The following IL5RA variants were observed in gnomAD, a reference collection of about 807,000 sequenced individuals.
IL5RA encodes interleukin 5 receptor subunit alpha.
In IL5RA, 49 loss-of-function variants were observed where a neutral mutation model predicts 50.0. The ratio of observed to expected loss-of-function variants is 0.98; its 90% CI spans 0.78 to 1.24. IL5RA has a LOEUF of 1.24. Ranked by LOEUF, IL5RA falls within the 50% of genes most tolerant of loss-of-function variation. IL5RA has a pLI of 0.00. For synonymous variants in IL5RA, 202 were observed against 174.0 expected (o/e 1.16, Z -1.26); for missense variants, 600 against 500.4 (o/e 1.20, Z -1.90).
At position 3,098,047 on chromosome 3, in the gene IL5RA, A is replaced by G. The variant is rs1441406543; in HGVS notation, c.532T>C (p.Trp178Arg). Residue 178 changes from tryptophan to arginine, a missense_variant, in exon 7 of 12, where the codon TGG (tryptophan) becomes CGG (arginine). By Grantham distance (101) the Trp-to-Arg change is moderately radical (BLOSUM62 -3). Transcript: ENST00000446632. ...QYFLYYRYGS[W>R]TEECQEYSKD... ...CTGTATTCTTGGCATTCTTCAGTCC[A>G]AGAGCCATACCTAAATTGGAACATT... The G allele has an allele frequency of 1.2e-6, 2 of 1,614,098 alleles. No homozygotes were observed. The highest frequency in any genetic ancestry group is 2.7e-5 in the African/African-American group (2 of 74,942).
intron 5 of IL5RA, among the ~76,000 whole-genome samples, chr3:3,098,519 T>A (rs1400909116): frequency 6.6e-6 from 1 of 152,088 alleles, no homozygotes; most frequent in Non-Finnish European, 1.5e-5. Context: ...GCGATTCTCG[T>A]GCCTCAGCCT....
At chr3:3,094,982 C>T (rs1003110453) in intron 8 of IL5RA, among the ~76,000 whole-genome samples, 1 of 152,172 alleles carries the variant, frequency 6.6e-6, no homozygotes, top group Admixed American at 6.5e-5. Flanking sequence ...CCACATTGGC[C>T]TCCCAAAGTG....
Position 3,068,587 on chromosome 3 carries a change from C to CAAAAAAAAAAAA in IL5RA, c.*1626_*1637dup, listed in dbSNP as rs760670295. 33 of 35,590 alleles carry CAAAAAAAAAAAA rather than the reference C, an allele frequency of 9.3e-4. No individual in the cohort carries two copies. Among genetic ancestry groups the CAAAAAAAAAAAA allele is most frequent in the African/African-American group, 2.7e-3 (31 of 11,338 alleles). 2.2% of individuals were successfully genotyped at this position (35,590 alleles called of 1,614,324 possible). A position where few individuals can be genotyped will look rare whatever the true frequency, so the allele number is the denominator to read the frequency against. Reference sequence around the variant, plus strand: ...AAGACTGTCTCCACCACCCACCCCACAAAAAAAAAAAAAAAAAAAAACAAA... The same window carrying CAAAAAAAAAAAA: ...AAGACTGTCTCCACCACCCACCCCACAAAAAAAAAAAAAAAAAAAAAAAAAAAAAAAAACAAA... On this transcript the variant is annotated 3_prime_UTR_variant, in exon 12 of 12. Coordinates refer to ENST00000446632, the MANE Select transcript of IL5RA (RefSeq NM_175726.4).
At chr3:3,074,725 T>C in intron 11 of IL5RA, 57 bp downstream of exon 11, 1 of 990,846 alleles carries the variant, frequency 1.0e-6, no homozygotes, top group Non-Finnish European at 1.6e-6. Flanking sequence ...GAATGACAGC[T>C]CCCAGGGGAC....
rs115192176 is a variant in IL5RA at position 3,093,316 on chromosome 3, G to A, written c.856-954C>T. 3.0e-3 allele frequency among the ~76,000 whole-genome samples: 450 copies of A among 152,274 alleles called. 3 individuals are homozygous for A. Among genetic ancestry groups the A allele is most frequent in the African/African-American group, 0.01 (416 of 41,550 alleles). On this transcript the variant is annotated intron_variant, in intron 8 of 11. Coordinates refer to ENST00000446632, the MANE Select transcript of IL5RA (RefSeq NM_175726.4). Reference sequence around the variant, plus strand: ...AAGTTACTCCTTTTCCTAGGCTGGTGCAAGTCAGGAACTATTTATTACTGG... The same window carrying A: ...AAGTTACTCCTTTTCCTAGGCTGGTACAAGTCAGGAACTATTTATTACTGG...
Position 3,092,509 on chromosome 3 carries a change from T to C in IL5RA, c.856-147A>G. 4.0e-6 allele frequency: 3 copies of C among 745,068 alleles called. No homozygotes were observed. Among genetic ancestry groups the C allele is most frequent in the Admixed American group, 2.4e-5 (1 of 41,960 alleles). 46.2% of individuals were successfully genotyped at this position (745,068 alleles called of 1,614,324 possible). A position where few individuals can be genotyped will look rare whatever the true frequency, so the allele number is the denominator to read the frequency against. On this transcript the variant is annotated intron_variant, in intron 8 of 11. Transcript: ENST00000446632. The surrounding 1 kb of genome is among the most constrained non-coding windows in gnomAD (Gnocchi z 4.2). ...AACAGGGCACACATTAATTCGTTTATGCTAGGTGCGTTAGTGTGGATGTGT... is the reference window on the plus strand; with the variant it reads ...AACAGGGCACACATTAATTCGTTTACGCTAGGTGCGTTAGTGTGGATGTGT...
chr3:3,077,164 A>G (rs1305713017), intron 9 of IL5RA, among the ~76,000 whole-genome samples: 1 of 152,192 alleles, frequency 6.6e-6, no homozygotes, highest in African/African-American at 2.4e-5. Context: ...ACCCCTTACC[A>G]TTATTCCCAT....
rs1427128578 is a variant in IL5RA at position 3,067,644 on chromosome 3, A to T, written c.*2581T>A. On this transcript the variant is annotated 3_prime_UTR_variant, in exon 12 of 12. Coordinates refer to ENST00000446632, the MANE Select transcript of IL5RA (RefSeq NM_175726.4). ...AAGTGATGATGGTTACGGGTTCCCA[A>T]AGAATGACTATGAGTTGCACAGGGC... The T allele has an allele frequency of 6.6e-6, 1 of 152,274 alleles. No individual in the cohort carries two copies. The highest frequency in any genetic ancestry group is 1.5e-5 in the Non-Finnish European group (1 of 68,084). 9.4% of individuals were successfully genotyped at this position (152,274 alleles called of 1,614,324 possible). A position where few individuals can be genotyped will look rare whatever the true frequency, so the allele number is the denominator to read the frequency against.
intron 9 of IL5RA, among the ~76,000 whole-genome samples, chr3:3,087,907 T>C (rs1323652138): frequency 6.6e-6 from 1 of 152,070 alleles, no homozygotes; most frequent in Non-Finnish European, 1.5e-5. Context: ...TTGATGAAAA[T>C]GGAAAGTCTA....
intron 9 of IL5RA, among the ~76,000 whole-genome samples, chr3:3,077,505 C>T (rs371013607): frequency 3.3e-4 from 51 of 152,282 alleles, no homozygotes; most frequent in African/African-American, 9.9e-4. Flanking sequence ...CAGTGGCTCA[C>T]GCCTGTAAAT....
chr3:3,078,562 G>A (rs564989487), intron 9 of IL5RA, among the ~76,000 whole-genome samples: 25 of 152,266 alleles, frequency 1.6e-4, no homozygotes, highest in East Asian at 3.9e-4. Context: ...GGCTAGGTGC[G>A]GTGGCTCACG....
At position 3,087,677 on chromosome 3, in the gene IL5RA, T is replaced by TTGAG. The variant is rs2125966546; in HGVS notation, c.994+4543_994+4546dup. Among the ~76,000 whole-genome samples the TTGAG allele has an allele frequency of 2.0e-5, 3 of 151,506 alleles. No individual in the cohort carries two copies. The South Asian group carries it at 6.3e-4, about 32-fold the overall frequency. ...AACTATGAAAGGGTTGATATTTGAG[T>TTGAG]TGAGTCTTGGAGTAAAATGGAGTGG... On this transcript the variant is annotated intron_variant, in intron 9 of 11. Coordinates refer to ENST00000446632, the MANE Select transcript of IL5RA (RefSeq NM_175726.4).
chr3:3,088,425 A>T (rs1437821304), intron 9 of IL5RA, among the ~76,000 whole-genome samples: 1 of 152,198 alleles, frequency 6.6e-6, no homozygotes, highest in Non-Finnish European at 1.5e-5. Flanking sequence ...GCAGGAGATC[A>T]CGATTCCTTC....
chr3:3,101,209 T>G, intron 5 of IL5RA, among the ~76,000 whole-genome samples: 1 of 150,726 alleles, frequency 6.6e-6, no homozygotes. Flanking sequence ...AATGAGAAGA[T>G]CTTTATGTTT....
chr3:3,089,203 C>A (rs1702991603), intron 9 of IL5RA, among the ~76,000 whole-genome samples: 1 of 152,194 alleles, frequency 6.6e-6, no homozygotes, highest in Non-Finnish European at 1.5e-5. Context: ...AAGGCTCATG[C>A]TGCTCCTGTA....
At chr3:3,099,997 T>A (rs1703566707) in intron 5 of IL5RA, among the ~76,000 whole-genome samples, 1 of 152,202 alleles carries the variant, frequency 6.6e-6, no homozygotes, top group South Asian at 2.1e-4. Context: ...CTTTTTATGT[T>A]TGCTTCATTA....
rs1319985199 is a variant in IL5RA at position 3,110,370 on chromosome 3, T to G, written c.-571A>C. ...ACTCTAAAGCGTTGCATTTCTGTTT[T>G]GTTTATGTGCCTTGTTTGGCTACAG... On this transcript the variant is annotated 5_prime_UTR_variant, in exon 1 of 12. Transcript: ENST00000446632. 6.6e-6 allele frequency: 1 copy of G among 152,238 alleles called. No individual in the cohort carries two copies. The highest frequency in any genetic ancestry group is 1.5e-5 in the Non-Finnish European group (1 of 68,050). The allele number at this position is 152,238 out of a possible 1,614,324, so 9.4% of individuals were successfully genotyped here.
At position 3,074,814 on chromosome 3, in the gene IL5RA, T is replaced by A. The variant is rs141849082; in HGVS notation, c.1144A>T (p.Ile382Phe). Reference protein sequence around the residue: ...FPPIPAPKSNIKDLFVTTNYE... With the variant: ...FPPIPAPKSNFKDLFVTTNYE... ...TTAGTGGTTACAAAGAGATCTTTGATATTACTTTTTGGTGCTGGAATTGGT... is the reference window on the plus strand; with the variant it reads ...TTAGTGGTTACAAAGAGATCTTTGAAATTACTTTTTGGTGCTGGAATTGGT... Residue 382 changes from isoleucine to phenylalanine, a missense_variant, in exon 11 of 12, where the codon ATC becomes TTC. By Grantham distance (21) the Ile-to-Phe change is conservative. Transcript: ENST00000446632. 3 of 1,609,614 alleles carry A rather than the reference T, an allele frequency of 1.9e-6. No homozygotes were observed. Among genetic ancestry groups the A allele is most frequent in the Admixed American group, 3.3e-5 (2 of 60,008 alleles).
intron 9 of IL5RA, among the ~76,000 whole-genome samples, chr3:3,078,303 C>G (rs925007229): frequency 6.6e-6 from 1 of 152,158 alleles, no homozygotes; most frequent in African/African-American, 2.4e-5. Context: ...GGAGAGATAC[C>G]TTGGGATATA....
Sources: allele counts gnomAD v4.1 joint callset (sites outside exome capture counted in the v4.1 genomes callset), GRCh38; gene constraint gnomAD v4.1.1; non-coding constraint Gnocchi (gnomAD v3.1); transcripts MANE v1.5; gene names NCBI Gene and HGNC (gene_info 2026-07-23, HGNC 2026-07-21).